The following ZDHHC11B variants were observed in gnomAD, a reference collection of about 807,000 sequenced individuals.
ZDHHC11B encodes the protein probable palmitoyltransferase ZDHHC11B.
A neutral mutation model predicts 42.3 loss-of-function variants in ZDHHC11B; 17 were observed. That is an observed-to-expected ratio of 0.40 (90% confidence interval 0.27 to 0.60). The LOEUF is 0.60. Ranked by LOEUF, ZDHHC11B falls within the 20% of genes least tolerant of loss-of-function variation. ZDHHC11B has a pLI of 0.41. For missense variants in ZDHHC11B, 262 were observed against 463.2 expected (o/e 0.57, Z 3.99); for synonymous variants, 123 against 193.5 (o/e 0.64, Z 3.02).
intron 1 of ZDHHC11B, among the ~76,000 whole-genome samples, chr5:771,741 G>C (rs1396012094): frequency 2.0e-5 from 3 of 151,340 alleles, no homozygotes; most frequent in Admixed American, 6.6e-5. Flanking sequence ...ACCCAGAACA[G>C]TGGTGGGCGT....
chr5:783,174 G>C (rs1341457935), intron 1 of ZDHHC11B, among the ~76,000 whole-genome samples: 1 of 152,200 alleles, frequency 6.6e-6, no homozygotes, highest in Non-Finnish European at 1.5e-5. Context: ...GACCCCTCCC[G>C]GGAAAACGCA....
At chr5:771,152 C>T (rs1254261826) in intron 1 of ZDHHC11B, among the ~76,000 whole-genome samples, 1 of 151,440 alleles carries the variant, frequency 6.6e-6, no homozygotes, top group Non-Finnish European at 1.5e-5. Flanking sequence ...GACACATGTG[C>T]GTGTCCCAAC....
At position 710,749 on chromosome 5, in the gene ZDHHC11B, G is replaced by A. The variant is rs1741298636; in HGVS notation, c.*1541C>T. ...CTGTGCTCCCATTTCCCAATGCTAT[G>A]CTCCATTTCCCAGTGCTGTGAGCTC... On this transcript the variant is annotated 3_prime_UTR_variant, in exon 14 of 14. Coordinates refer to ENST00000508859, the MANE Select transcript of ZDHHC11B (RefSeq NM_001351303.2). The A allele has an allele frequency of 6.6e-6, 1 of 152,202 alleles. No individual in the cohort carries two copies. The highest frequency in any genetic ancestry group is 1.9e-4 in the East Asian group (1 of 5,152). 9.4% of individuals were successfully genotyped at this position (152,202 alleles called of 1,614,324 possible). A position where few individuals can be genotyped will look rare whatever the true frequency, so the allele number is the denominator to read the frequency against.
At chr5:772,599 G>A (rs1401643526) in intron 1 of ZDHHC11B, among the ~76,000 whole-genome samples, 2 of 151,272 alleles carry the variant, frequency 1.3e-5, no homozygotes, top group South Asian at 2.1e-4. Context: ...GTCAACAGCC[G>A]AGAAGAAGTA....
intron 1 of ZDHHC11B, among the ~76,000 whole-genome samples, chr5:783,800 A>G (rs1282156949): frequency 9.5e-6 from 1 of 105,062 alleles, no homozygotes; most frequent in African/African-American, 3.8e-5. Flanking sequence ...TCAAAACAGC[A>G]GCCCCCTAAA....
At chr5:760,449 C>T (rs1458077633) in intron 4 of ZDHHC11B, among the ~76,000 whole-genome samples, 1 of 151,706 alleles carries the variant, frequency 6.6e-6, no homozygotes, top group Non-Finnish European at 1.5e-5. Flanking sequence ...CCATCCCCTC[C>T]AGCAGCTTCA....
chr5:712,557 T>TC (rs2126937415), intron 13 of ZDHHC11B, among the ~76,000 whole-genome samples: 1 of 116,706 alleles, frequency 8.6e-6, no homozygotes, highest in East Asian at 2.5e-4. Flanking sequence ...CTATTGTTAT[T>TC]CTTCGGAAAT....
chr5:739,065 C>T (rs1442020483), intron 10 of ZDHHC11B, among the ~76,000 whole-genome samples: 1 of 150,532 alleles, frequency 6.6e-6, no homozygotes, highest in Non-Finnish European at 1.5e-5. Context: ...GGACTAATAT[C>T]CAGAATCTAA....
intron 9 of ZDHHC11B, among the ~76,000 whole-genome samples, 160 bp from the exon 10 acceptor site, chr5:741,788 C>T (rs1327223158): frequency 1.9e-4 from 28 of 146,742 alleles, no homozygotes; most frequent in East Asian, 1.1e-3. Context: ...TACGTGTGCA[C>T]GTGTTTTCAT....
intron 12 of ZDHHC11B, among the ~76,000 whole-genome samples, chr5:725,348 C>T (rs1742516077): frequency 7.1e-6 from 1 of 140,922 alleles, no homozygotes; most frequent in African/African-American, 2.7e-5. Context: ...TCTGCCAGTG[C>T]CTTGAGCTGG....
intron 1 of ZDHHC11B, among the ~76,000 whole-genome samples, chr5:778,268 G>A (rs1196819795): frequency 3.3e-5 from 5 of 151,738 alleles, no homozygotes; most frequent in Admixed American, 3.3e-4. Flanking sequence ...GATCCCGGCT[G>A]GCTCATCCCA....
intron 1 of ZDHHC11B, among the ~76,000 whole-genome samples, chr5:776,510 C>G (rs1457103733): frequency 6.6e-6 from 1 of 151,968 alleles, no homozygotes; most frequent in African/African-American, 2.4e-5. Flanking sequence ...CTGCAAGGCG[C>G]CTGCTGGGCC....
intron 1 of ZDHHC11B, among the ~76,000 whole-genome samples, chr5:774,071 C>T (rs1164866347): frequency 2.4e-4 from 36 of 151,866 alleles, no homozygotes; most frequent in African/African-American, 8.7e-4. Flanking sequence ...TCACCAGCTC[C>T]AAGGACTCGG....
chr5:743,066 C>T (rs946555098), intron 9 of ZDHHC11B, among the ~76,000 whole-genome samples: 1 of 149,768 alleles, frequency 6.7e-6, no homozygotes. Flanking sequence ...CTCAATCATT[C>T]TTTTTTCTTT....
At chr5:726,427 T>C (rs1742616404) in intron 12 of ZDHHC11B, among the ~76,000 whole-genome samples, 2 of 147,308 alleles carry the variant, frequency 1.4e-5, no homozygotes, top group Non-Finnish European at 3.0e-5. Context: ...CTGTTGCATC[T>C]AGAGGCTTTG....
intron 4 of ZDHHC11B, 58 bp downstream of exon 4, chr5:766,640 A>G (rs1735425590): frequency 6.6e-7 from 1 of 1,517,158 alleles, no homozygotes; most frequent in Non-Finnish European, 9.0e-7. Context: ...AGCCAGGTCC[A>G]TCGCAGGGTC....
chr5:766,567 G>A, intron 4 of ZDHHC11B, 131 bp downstream of exon 4: 1 of 1,055,576 alleles, frequency 9.5e-7, no homozygotes, highest in South Asian at 1.6e-5. Context: ...GCAGGCTCGG[G>A]GGACATAGTC....
intron 8 of ZDHHC11B, among the ~76,000 whole-genome samples, chr5:745,620 T>A (rs182698440): frequency 1.3e-5 from 2 of 150,188 alleles, no homozygotes; most frequent in Admixed American, 1.3e-4. Flanking sequence ...CTCACAGACC[T>A]GGGTCCCCTA....
In ZDHHC11B at chr5:755,027, G is replaced by C. The variant is rs1411999952; in HGVS notation, c.474C>G (p.Ile158Met). The C allele has an allele frequency of 1.3e-6, 1 of 767,466 alleles. No homozygotes were observed. The highest frequency in any genetic ancestry group is 2.0e-6 in the Non-Finnish European group (1 of 493,916). 47.5% of individuals were successfully genotyped at this position (767,466 alleles called of 1,614,324 possible). ...AATTCCGGCTTCCCACGCAGTTGTTGATCCATTTGCAGTGGTGGTCGAAGC... is the reference window on the plus strand; with the variant it reads ...AATTCCGGCTTCCCACGCAGTTGTTCATCCATTTGCAGTGGTGGTCGAAGC... ...VSGFDHHCKW[I>M]NNCVGSRNYW... Residue 158 changes from isoleucine to methionine, a missense_variant, in exon 6 of 14, where the codon ATC becomes ATG. Around this residue, in one of 5 missense-constraint regions of ZDHHC11B, gnomAD observed 33 missense variants for 174.6 expected, o/e 0.19. Coordinates refer to ENST00000508859, the MANE Select transcript of ZDHHC11B (RefSeq NM_001351303.2).
Sources: gnomAD v4.1 joint callset for allele counts (sites outside exome capture counted in the v4.1 genomes callset) on GRCh38, gnomAD v4.1.1 for gene constraint, gnomAD v4.1.1 regional missense constraint, MANE v1.5 for transcripts, NCBI Gene and HGNC (gene_info 2026-07-23, HGNC 2026-07-21) for gene names.